The following TENM4 variants were observed in gnomAD, a reference collection of about 807,000 sequenced individuals.
The protein encoded by TENM4 is teneurin-4.
TENM4 carries 82 observed loss-of-function variants against 243.3 expected under a neutral mutation model. That is an observed-to-expected ratio of 0.34 (90% confidence interval 0.28 to 0.40). TENM4 has a LOEUF of 0.40. Among genes scored for constraint, TENM4 ranks in the 10% least tolerant of loss-of-function variants. The pLI is 1.00. For missense variants in TENM4, 3,138 were observed against 3,673.3 expected, an observed-to-expected ratio of 0.85 and a Z score of 3.77; for synonymous variants, 1,412 against 1,456.3, an observed-to-expected ratio of 0.97 and a Z score of 0.69.
At chr11:78,971,268 A>G (rs1857541726) in intron 6 of TENM4, among the ~76,000 whole-genome samples, 1 of 152,162 alleles carries the variant, frequency 6.6e-6, no homozygotes, top group African/African-American at 2.4e-5. Context: ...GTAGGTATTC[A>G]TAGATGTTGA....
At chr11:78,792,420 C>T (rs1857075831) in intron 15 of TENM4, among the ~76,000 whole-genome samples, 1 of 152,142 alleles carries the variant, frequency 6.6e-6, no homozygotes, top group Non-Finnish European at 1.5e-5. Flanking sequence ...ATTCCTATTC[C>T]AAGCTTACAG....
chr11:79,403,925 G>C (rs1211645837), intron 1 of TENM4, among the ~76,000 whole-genome samples: 1 of 152,222 alleles, frequency 6.6e-6, no homozygotes, highest in East Asian at 1.9e-4. Flanking sequence ...ATGTGTATTA[G>C]CTTGGCCATG....
intron 19 of TENM4, chr11:78,756,556 A>C: frequency 2.1e-6 from 1 of 481,342 alleles, no homozygotes; most frequent in South Asian, 2.2e-5. Flanking sequence ...TTGGTTTCTC[A>C]CTGTCTTCAT....
intron 13 of TENM4, among the ~76,000 whole-genome samples, chr11:78,813,458 T>G (rs1857540755): frequency 6.6e-6 from 1 of 152,358 alleles, no homozygotes; most frequent in Non-Finnish European, 1.5e-5. Flanking sequence ...GTCTATTTAC[T>G]TGTCTGTCTC....
chr11:79,017,920 T>A (rs1283829035), intron 6 of TENM4, among the ~76,000 whole-genome samples: 1 of 152,160 alleles, frequency 6.6e-6, no homozygotes, highest in Non-Finnish European at 1.5e-5. Flanking sequence ...AGTCCTGCAT[T>A]TTCATTTTAC....
At chr11:79,237,501 A>G (rs1864499051) in intron 2 of TENM4, among the ~76,000 whole-genome samples, 2 of 152,074 alleles carry the variant, frequency 1.3e-5, no homozygotes, top group Non-Finnish European at 2.9e-5. Context: ...ACATGGTAAA[A>G]CCCTGTCTAT....
chr11:78,878,378 C>T (rs542066517), intron 9 of TENM4, among the ~76,000 whole-genome samples: 1 of 152,244 alleles, frequency 6.6e-6, no homozygotes, highest in East Asian at 1.9e-4. Flanking sequence ...CGATCCACGT[C>T]ACAGTCATTT....
At chr11:79,130,318 A>G (rs1861974328) in intron 4 of TENM4, among the ~76,000 whole-genome samples, 1 of 152,166 alleles carries the variant, frequency 6.6e-6, no homozygotes, top group Admixed American at 6.5e-5. Flanking sequence ...ATAATATGAC[A>G]AAACAATGAT....
chr11:79,069,474 C>A (rs1860349034), intron 5 of TENM4, among the ~76,000 whole-genome samples: 1 of 152,198 alleles, frequency 6.6e-6, no homozygotes, highest in African/African-American at 2.4e-5. Context: ...GAGCCCAGCT[C>A]CTAACCACCT....
At chr11:78,843,298 T>G (rs193133876) in intron 12 of TENM4, among the ~76,000 whole-genome samples, 2 of 151,172 alleles carry the variant, frequency 1.3e-5, no homozygotes, top group Non-Finnish European at 3.0e-5. Flanking sequence ...AAAATAAACA[T>G]AGAGAGATCC....
intron 3 of TENM4, among the ~76,000 whole-genome samples, chr11:79,165,125 T>C (rs1019353715): frequency 6.6e-6 from 1 of 152,090 alleles, no homozygotes; most frequent in African/African-American, 2.4e-5. Context: ...ATCTTTTTCA[T>C]ATAATGACTT....
At chr11:78,736,689 A>G (rs1299277789) in intron 20 of TENM4, among the ~76,000 whole-genome samples, 2 of 152,212 alleles carry the variant, frequency 1.3e-5, no homozygotes, top group Non-Finnish European at 2.9e-5. Context: ...GAGGGCAGTG[A>G]TACCTGTTCA....
chr11:78,712,388 CA>C, intron 26 of TENM4, 93 bp downstream of exon 26: 1 of 1,278,100 alleles, frequency 7.8e-7, no homozygotes, highest in Admixed American at 2.3e-5. Flanking sequence ...TGGTATTTTC[CA>C]AAAATTTTTG....
At chr11:79,142,502 G>C (rs367799932) in intron 4 of TENM4, among the ~76,000 whole-genome samples, 1 of 152,010 alleles carries the variant, frequency 6.6e-6, no homozygotes, top group Non-Finnish European at 1.5e-5. Context: ...AAAATAGAAA[G>C]ATATTTCTTG....
At chr11:79,083,672 C>T (rs887342088) in intron 4 of TENM4, among the ~76,000 whole-genome samples, 7 of 152,284 alleles carry the variant, frequency 4.6e-5, no homozygotes, top group South Asian at 2.1e-4. Context: ...GCCTTCCTGG[C>T]GGCCCTAACT....
intron 6 of TENM4, among the ~76,000 whole-genome samples, chr11:79,047,580 C>T (rs58858914): frequency 0.022 from 3,355 of 152,258 alleles, 121 homozygotes; most frequent in African/African-American, 0.074. Context: ...GAACACACTT[C>T]GGATTTGTCT....
chr11:79,069,893 C>G lies in TENM4; in HGVS notation c.52G>C (p.Ala18Pro), dbSNP rs1368080725. ...PYRSLTRRRD[A>P]ERRYTSSSAD... Reference sequence around the variant, plus strand: ...GACGAGCTGGTGTAGCGGCGCTCGGCGTCGCGGCGCCGGGTCAGCGAGCGG... The same window carrying G: ...GACGAGCTGGTGTAGCGGCGCTCGGGGTCGCGGCGCCGGGTCAGCGAGCGG... The change falls in exon 5 of 34, where the codon GCC (alanine) becomes CCC (proline). Residue 18 changes from alanine to proline, a missense_variant. By Grantham distance (27) the Ala-to-Pro change is conservative. Coordinates refer to ENST00000278550, the MANE Select transcript of TENM4 (RefSeq NM_001098816.3). 6.5e-7 allele frequency: 1 copy of G among 1,548,282 alleles called. No individual in the cohort carries two copies.
At chr11:79,065,708 C>T (rs1425122638) in intron 5 of TENM4, among the ~76,000 whole-genome samples, 24 of 152,174 alleles carry the variant, frequency 1.6e-4, no homozygotes, top group Admixed American at 4.6e-4. Context: ...TTCCTTATCC[C>T]AAGTGGGTCT....
intron 2 of TENM4, among the ~76,000 whole-genome samples, chr11:79,287,040 G>A (rs1163282951): frequency 6.6e-6 from 1 of 152,190 alleles, no homozygotes. Flanking sequence ...ATAAAAACTC[G>A]TAGGAGATAG....
Sources: allele counts gnomAD v4.1 joint callset (sites outside exome capture counted in the v4.1 genomes callset), GRCh38; gene constraint gnomAD v4.1.1; transcripts MANE v1.5; gene names NCBI Gene and HGNC (gene_info 2026-07-23, HGNC 2026-07-21).